The following PHEX variants were observed in gnomAD, a reference collection of about 807,000 sequenced individuals.
PHEX encodes the protein phosphate-regulating neutral endopeptidase PHEX.
Under a neutral mutation model 68.0 loss-of-function variants are expected in PHEX, and 16 were observed. The observed-to-expected ratio is 0.24, with a 90% CI of 0.16 to 0.36. The LOEUF is 0.36. PHEX is among the 10% of genes least tolerant of loss of function. The pLI is 1.00. For missense variants in PHEX, 480 were observed against 575.5 expected (o/e 0.83, Z 1.70); for synonymous variants, 208 against 205.1 (o/e 1.01, Z -0.12).
In PHEX at chrX:22,147,910, G is replaced by GTT. The variant is rs11393085; in HGVS notation, c.1404+14298_1404+14299dup. Among the ~76,000 whole-genome samples the GTT allele has an allele frequency of 9.0e-3, 889 of 99,266 alleles. 4 individuals carry two copies. Among genetic ancestry groups the GTT allele is most frequent in the Middle Eastern group, 0.015 (3 of 198 alleles). The allele number at this position is 99,266 out of a possible 115,157, so 86.2% of individuals were successfully genotyped here. A position where few individuals can be genotyped will look rare whatever the true frequency, so the allele number is the denominator to read the frequency against. ...AGAAGATTTTGGAGTTTTGTGCTAT[G>GTT]TTTTTTTTTTTTTGGTTCTGGATCA... On this transcript the variant is annotated intron_variant, in intron 12 of 21. Coordinates refer to ENST00000379374, the MANE Select transcript of PHEX (RefSeq NM_000444.6).
At chrX:22,215,546 A>G (rs1935060288) in intron 16 of PHEX, among the ~76,000 whole-genome samples, 1 of 111,665 alleles carries the variant, frequency 9.0e-6, no homozygotes, top group Non-Finnish European at 1.9e-5. Context: ...AACGTTTCCC[A>G]AAGTGTGTGT....
At chrX:22,044,193 A>C (rs1394239347) in intron 2 of PHEX, among the ~76,000 whole-genome samples, 2 of 110,377 alleles carry the variant, frequency 1.8e-5, no homozygotes, top group Admixed American at 9.8e-5. Context: ...GGAAAGTTTG[A>C]GAAGGAGGCT....
intron 13 of PHEX, among the ~76,000 whole-genome samples, chrX:22,175,292 A>G (rs1464389311): frequency 2.7e-5 from 3 of 110,861 alleles, no homozygotes; most frequent in Non-Finnish European, 5.7e-5. Flanking sequence ...GGGTTCTGGT[A>G]GGTCCTTACT....
At chrX:22,133,751 C>A in intron 12 of PHEX, 127 bp downstream of exon 12, 1 of 524,124 alleles carries the variant, frequency 1.9e-6, no homozygotes, top group Non-Finnish European at 3.2e-6. Flanking sequence ...CCAGAGTTAG[C>A]TGTCTGCTTT....
intron 9 of PHEX, among the ~76,000 whole-genome samples, chrX:22,110,200 C>T (rs924925940): frequency 8.9e-5 from 10 of 111,877 alleles, no homozygotes; most frequent in African/African-American, 3.2e-4. Context: ...AGCAAAATGA[C>T]AGATAATGAA....
At chrX:22,192,170 C>CTT (rs34233992) in intron 15 of PHEX, among the ~76,000 whole-genome samples, 55,710 of 110,066 alleles carry the variant, frequency 0.51, 11,628 homozygotes, top group African/African-American at 0.78. Flanking sequence ...AAGGCTCAGT[C>CTT]TGCACCTTTT....
chrX:22,231,782 G>C (rs982169299), intron 20 of PHEX, among the ~76,000 whole-genome samples: 2 of 111,761 alleles, frequency 1.8e-5, no homozygotes, highest in African/African-American at 6.5e-5. Context: ...GTTCTGCTCT[G>C]ATGTTAGTTA....
intron 15 of PHEX, among the ~76,000 whole-genome samples, chrX:22,203,272 C>T (rs1278522522): frequency 9.1e-6 from 1 of 110,368 alleles, no homozygotes; most frequent in Non-Finnish European, 1.9e-5. Flanking sequence ...ATAGAAGGGC[C>T]AGCAGAGAAG....
At chrX:22,082,360 C>T (rs1027567896) in intron 5 of PHEX, among the ~76,000 whole-genome samples, 1 of 112,076 alleles carries the variant, frequency 8.9e-6, no homozygotes, top group Non-Finnish European at 1.9e-5. Context: ...TATATCCATG[C>T]CAACATCTAT....
chrX:22,076,365 G>T, intron 3 of PHEX, 23 bp from the exon 4 acceptor site: 1 of 1,141,393 alleles, frequency 8.8e-7, no homozygotes, highest in Non-Finnish European at 1.2e-6. Flanking sequence ...GGATACTAAT[G>T]AATCCTTTCT....
At chrX:22,107,546 C>T (rs1302951138) in intron 9 of PHEX, among the ~76,000 whole-genome samples, 2 of 111,833 alleles carry the variant, frequency 1.8e-5, no homozygotes, top group Non-Finnish European at 3.8e-5. Flanking sequence ...CCTTTCTGCC[C>T]ACTTCCTTGA....
intron 21 of PHEX, among the ~76,000 whole-genome samples, chrX:22,246,750 T>A (rs977816536): frequency 1.8e-5 from 2 of 112,336 alleles, no homozygotes; most frequent in Non-Finnish European, 3.8e-5. Context: ...CCTACCCATA[T>A]ATTCAGCTAA....
In PHEX at chrX:22,117,758, T is replaced by A. The variant is rs1266339459; in HGVS notation, c.1302+3172T>A. Among the ~76,000 whole-genome samples, 8 of 111,306 alleles carry A rather than the reference T, an allele frequency of 7.2e-5. No homozygotes were observed. The Admixed American group carries it at 7.7e-4, about 11-fold the overall frequency. On this transcript the variant is annotated intron_variant, in intron 11 of 21. Coordinates refer to ENST00000379374, the MANE Select transcript of PHEX (RefSeq NM_000444.6). ...TGGCATCTTCCCCCTTATTTTGATG[T>A]ACGTGGGGGTAGTTTGGTAGTTAGG...
In PHEX at chrX:22,249,455, A is replaced by AAATATATATATATATATATATATATAT; in HGVS notation, c.*1503_*1504insATATATATATATATATATATATATATA. ...TTGTGATTCTTTTAAAAAAAAAAAA[A>AAATATATATATATATATATATATATAT]ATATATATATATATATATATATATA... On this transcript the variant is annotated 3_prime_UTR_variant, in exon 22 of 22. Coordinates refer to ENST00000379374, the MANE Select transcript of PHEX (RefSeq NM_000444.6). 1 of 39,758 alleles carries AAATATATATATATATATATATATATAT rather than the reference A, an allele frequency of 2.5e-5. No individual in the cohort carries two copies. The highest frequency in any genetic ancestry group is 1.7e-4 in the African/African-American group (1 of 6,017). The allele number at this position is 39,758 out of a possible 1,213,427, so 3.3% of individuals were successfully genotyped here.
At chrX:22,240,004 C>A (rs940606162) in intron 20 of PHEX, among the ~76,000 whole-genome samples, 1 of 111,879 alleles carries the variant, frequency 8.9e-6, no homozygotes, top group Non-Finnish European at 1.9e-5. Flanking sequence ...GGTCGGGTTA[C>A]CCACAAAGGG....
intron 20 of PHEX, among the ~76,000 whole-genome samples, chrX:22,232,246 A>G (rs1055161220): frequency 9.0e-6 from 1 of 111,226 alleles, no homozygotes; most frequent in Non-Finnish European, 1.9e-5. Flanking sequence ...TATATATTCT[A>G]TTGATTTGGG....
chrX:22,099,541 T>C (rs7886874), intron 9 of PHEX, among the ~76,000 whole-genome samples: 8,820 of 108,959 alleles, frequency 0.081, 652 homozygotes, highest in African/African-American at 0.22. Flanking sequence ...TTTTTAACCA[T>C]TAAGTCACTT....
chrX:22,154,671 C>T (rs1932912586), intron 12 of PHEX, among the ~76,000 whole-genome samples: 1 of 111,273 alleles, frequency 9.0e-6, no homozygotes, highest in South Asian at 3.8e-4. Context: ...TGGTAAGGCT[C>T]ATTATAATGC....
Position 22,221,625 on chromosome X carries a change from A to T in PHEX, c.1781A>T (p.Asp594Val). The change falls in exon 18 of 22, where the codon GAT (aspartate) becomes GTT (valine). Residue 594 changes from aspartate to valine, a missense_variant. Asp to Val is a radical substitution (Grantham distance 152). Transcript: ENST00000379374. ...TTCCTTTTGCTAGGTAGAAAATATG[A>T]TAAAAATGGAAACCTGGATCCTTGG... The part of the protein sequence containing the change: ...HGFDNNGRKY[D>V]KNGNLDPWWS... 1 of 1,203,856 alleles carries T rather than the reference A, an allele frequency of 8.3e-7. No homozygotes were observed. Among genetic ancestry groups the T allele is most frequent in the Non-Finnish European group, 1.1e-6 (1 of 888,139 alleles).
Sources: allele counts gnomAD v4.1 joint callset (sites outside exome capture counted in the v4.1 genomes callset), GRCh38; gene constraint gnomAD v4.1.1; transcripts MANE v1.5; gene names NCBI Gene and HGNC (gene_info 2026-07-23, HGNC 2026-07-21).